Variants in SLC7A14 observed in about 807,000 individuals in gnomAD.
SLC7A14 encodes gamma-aminobutyric acid transporter SLC7A14.
SLC7A14 carries 37 observed loss-of-function variants against 60.2 expected under a neutral mutation model. The observed-to-expected ratio is 0.61, with a 90% CI of 0.47 to 0.81. The LOEUF is 0.81. Ranked by LOEUF, SLC7A14 falls within the 30% of genes least tolerant of loss-of-function variation. The pLI is 0.00. For missense variants in SLC7A14, 886 were observed against 982.7 expected, an observed-to-expected ratio of 0.90 and a Z score of 1.32; for synonymous variants, 399 against 395.8, an observed-to-expected ratio of 1.01 and a Z score of -0.10.
chr3:170,546,193 A>T (rs577135066), intron 1 of SLC7A14, among the ~76,000 whole-genome samples: 7 of 152,232 alleles, frequency 4.6e-5, no homozygotes, highest in Non-Finnish European at 5.9e-5. Flanking sequence ...CAGCTCTCAG[A>T]CAGAAGCAGA....
At chr3:170,528,788 T>C (rs1713587475) in intron 1 of SLC7A14, among the ~76,000 whole-genome samples, 1 of 152,184 alleles carries the variant, frequency 6.6e-6, no homozygotes, top group Admixed American at 6.5e-5. Flanking sequence ...CTCTCCTCTT[T>C]CTTCTTCTAA....
At position 170,471,147 on chromosome 3, in the gene SLC7A14, A is replaced by G. The variant is rs368824778; in HGVS notation, c.1994-3770T>C. On this transcript the variant is annotated intron_variant, in intron 7 of 7. Coordinates refer to ENST00000231706, the MANE Select transcript of SLC7A14 (RefSeq NM_020949.3). ...AGTGATTATGTGCATTGCACACTTC[A>G]CAGACAGGACAACAGGACAGTGGGC... Among the ~76,000 whole-genome samples the G allele has an allele frequency of 4.6e-4, 69 of 148,778 alleles. 3 individuals carry two copies. The South Asian group carries it at 0.014, about 31-fold the overall frequency.
chr3:170,500,749 A>G (rs1229468896), intron 3 of SLC7A14, among the ~76,000 whole-genome samples: 1 of 152,214 alleles, frequency 6.6e-6, no homozygotes, highest in Non-Finnish European at 1.5e-5. Context: ...ACATTACATT[A>G]AAACATAATC....
At chr3:170,565,792 C>A (rs1264296675) in intron 1 of SLC7A14, among the ~76,000 whole-genome samples, 1 of 152,004 alleles carries the variant, frequency 6.6e-6, no homozygotes, top group Non-Finnish European at 1.5e-5. Context: ...TTGAATGACC[C>A]CTTCCCTGCT....
chr3:170,527,479 G>C (rs1194534912), intron 1 of SLC7A14, among the ~76,000 whole-genome samples: 1 of 152,198 alleles, frequency 6.6e-6, no homozygotes, highest in African/African-American at 2.4e-5. Context: ...CGTATGGAAA[G>C]TGCTCATCCA....
At chr3:170,557,287 T>C (rs573359977) in intron 1 of SLC7A14, among the ~76,000 whole-genome samples, 11 of 152,322 alleles carry the variant, frequency 7.2e-5, no homozygotes, top group African/African-American at 2.6e-4. Flanking sequence ...AGCCCATTTT[T>C]TTTTTTCAGA....
intron 1 of SLC7A14, among the ~76,000 whole-genome samples, chr3:170,554,615 C>T (rs1714437775): frequency 6.6e-6 from 1 of 152,216 alleles, no homozygotes; most frequent in South Asian, 2.1e-4. Flanking sequence ...CTGACCACTG[C>T]AGTCACAGCC....
rs1739561009 is a variant in SLC7A14, at chr3:170,459,937, T to C, written c.*7118A>G. 6.6e-6 allele frequency: 1 copy of C among 152,236 alleles called. No individual in the cohort carries two copies. Among genetic ancestry groups the C allele is most frequent in the African/African-American group, 2.4e-5 (1 of 41,460 alleles). 9.4% of individuals were successfully genotyped at this position (152,236 alleles called of 1,614,324 possible). A position where few individuals can be genotyped will look rare whatever the true frequency, so the allele number is the denominator to read the frequency against. ...AAAGCTTTATGCATTTATTAAAATATACACATTTTGTTAAATTTAGAATTT... is the reference window on the plus strand; with the variant it reads ...AAAGCTTTATGCATTTATTAAAATACACACATTTTGTTAAATTTAGAATTT... On this transcript the variant is annotated 3_prime_UTR_variant, in exon 8 of 8. Transcript: ENST00000231706.
rs537167434 is a variant in SLC7A14 at position 170,548,574 on chromosome 3, G to C, written c.-152-21486C>G. Reference sequence around the variant, plus strand: ...CTTTGCCTAGCTTAGTTGTTCCCATGCCTGGCTGCACTTGAGAATCAACTG... The same window carrying C: ...CTTTGCCTAGCTTAGTTGTTCCCATCCCTGGCTGCACTTGAGAATCAACTG... On this transcript the variant is annotated intron_variant, in intron 1 of 7. Transcript: ENST00000231706. Among the ~76,000 whole-genome samples, 3 of 152,304 alleles carry C rather than the reference G, an allele frequency of 2.0e-5. No homozygotes were observed. The South Asian group carries it at 6.2e-4, about 32-fold the overall frequency.
chr3:170,563,108 G>A (rs980456407), intron 1 of SLC7A14, among the ~76,000 whole-genome samples: 1 of 152,104 alleles, frequency 6.6e-6, no homozygotes, highest in Non-Finnish European at 1.5e-5. Context: ...TGGTTAATGT[G>A]CTGACCAAAG....
intron 2 of SLC7A14, among the ~76,000 whole-genome samples, chr3:170,501,874 A>T (rs993219097): frequency 2.0e-5 from 3 of 152,262 alleles, no homozygotes; most frequent in Non-Finnish European, 4.4e-5. Flanking sequence ...GAAATCTAGC[A>T]CATGCACAAA....
At chr3:170,549,693 C>T (rs1162914059) in intron 1 of SLC7A14, among the ~76,000 whole-genome samples, 1 of 152,176 alleles carries the variant, frequency 6.6e-6, no homozygotes, top group African/African-American at 2.4e-5. Flanking sequence ...TTTGCTTGAA[C>T]AGTGACACGA....
At chr3:170,573,241 A>G (rs1394865576) in intron 1 of SLC7A14, among the ~76,000 whole-genome samples, 1 of 152,162 alleles carries the variant, frequency 6.6e-6, no homozygotes, top group African/African-American at 2.4e-5. Context: ...TAACCCAACC[A>G]CTTGGATGGT....
chr3:170,540,579 G>T (rs373265765), intron 1 of SLC7A14, among the ~76,000 whole-genome samples: 1 of 152,016 alleles, frequency 6.6e-6, no homozygotes, highest in Non-Finnish European at 1.5e-5. Context: ...CTAGCTTCTG[G>T]TGTCTCCTTT....
At chr3:170,491,992 CTT>C (rs1712234727) in intron 4 of SLC7A14, among the ~76,000 whole-genome samples, 1 of 152,128 alleles carries the variant, frequency 6.6e-6, no homozygotes, top group Non-Finnish European at 1.5e-5. Flanking sequence ...CATCTTTTTA[CTT>C]GAGTTGGTTT....
Position 170,537,604 on chromosome 3 carries a change from T to C in SLC7A14, c.-152-10516A>G, listed in dbSNP as rs550786471. 4.6e-5 allele frequency among the ~76,000 whole-genome samples: 7 copies of C among 152,342 alleles called. No homozygotes were observed. In the South Asian group the frequency reaches 1.5e-3, roughly 32 times the overall value. On this transcript the variant is annotated intron_variant, in intron 1 of 7. Coordinates refer to ENST00000231706, the MANE Select transcript of SLC7A14 (RefSeq NM_020949.3). ...TTTCCTGAAAACACTCGGCTGAGCATTTATATGCTTTTGGAAAAATTCTGT... is the reference window on the plus strand; with the variant it reads ...TTTCCTGAAAACACTCGGCTGAGCACTTATATGCTTTTGGAAAAATTCTGT...
chr3:170,579,449 G>T (rs115224314), intron 1 of SLC7A14, among the ~76,000 whole-genome samples: 199 of 152,294 alleles, frequency 1.3e-3, no homozygotes, highest in African/African-American at 4.6e-3. Context: ...TTTTTAAAAT[G>T]AAGAGAAAAT....
At chr3:170,498,965 C>A in intron 3 of SLC7A14, 81 bp from the exon 4 acceptor site, 1 of 1,360,828 alleles carries the variant, frequency 7.3e-7, no homozygotes, top group East Asian at 2.3e-5. Flanking sequence ...CCACTGCATC[C>A]GTACTCAGCT....
At chr3:170,515,428 G>A (rs1713126511) in intron 2 of SLC7A14, among the ~76,000 whole-genome samples, 1 of 151,998 alleles carries the variant, frequency 6.6e-6, no homozygotes, top group Admixed American at 6.6e-5. Flanking sequence ...CACTTTCCAG[G>A]TGTCCTAAAG....
Sources: gnomAD v4.1 joint callset for allele counts (sites outside exome capture counted in the v4.1 genomes callset) on GRCh38, gnomAD v4.1.1 for gene constraint, MANE v1.5 for transcripts, NCBI Gene and HGNC (gene_info 2026-07-23, HGNC 2026-07-21) for gene names.